Variants in LRFN5 observed in about 807,000 individuals in gnomAD.
LRFN5 encodes leucine rich repeat and fibronectin type III domain containing 5, also known as leucine-rich repeat and fibronectin type-III domain-containing protein 5.
A neutral mutation model predicts 45.6 loss-of-function variants in LRFN5; 24 were observed. The ratio of observed to expected loss-of-function variants is 0.53; its 90% CI spans 0.38 to 0.74. The LOEUF (loss-of-function observed/expected upper bound fraction) is 0.74, where lower values mean the gene tolerates loss of function less well. Ranked by LOEUF, LRFN5 falls within the 30% of genes least tolerant of loss-of-function variation. The pLI, the probability that LRFN5 is intolerant of heterozygous loss-of-function variation, is 0.00. For missense variants in LRFN5, 776 were observed against 861.5 expected, an observed-to-expected ratio of 0.90 and a Z score of 1.24; for synonymous variants, 340 against 313.8, an observed-to-expected ratio of 1.08 and a Z score of -0.88.
At chr14:41,644,065 T>A (rs1383630370) in intron 1 of LRFN5, among the ~76,000 whole-genome samples, 1 of 152,224 alleles carries the variant, frequency 6.6e-6, no homozygotes, top group African/African-American at 2.4e-5. Context: ...AGAATACTTT[T>A]TCTTGTTTGA....
intron 2 of LRFN5, among the ~76,000 whole-genome samples, chr14:41,873,697 A>C (rs1295838426): frequency 6.6e-6 from 1 of 152,196 alleles, no homozygotes. Context: ...CAATGCCCAC[A>C]ATAATATGAA....
At chr14:41,622,136 T>TC (rs1888158228) in intron 1 of LRFN5, among the ~76,000 whole-genome samples, 1 of 151,812 alleles carries the variant, frequency 6.6e-6, no homozygotes, top group South Asian at 2.1e-4. Flanking sequence ...TCTTTTTTTT[T>TC]TTTCATTTCT....
intron 1 of LRFN5, among the ~76,000 whole-genome samples, chr14:41,718,522 G>GA (rs1354183560): frequency 6.6e-6 from 1 of 152,046 alleles, no homozygotes; most frequent in African/African-American, 2.4e-5. Context: ...CTTACCTATT[G>GA]TTCATGTTTT....
intron 1 of LRFN5, among the ~76,000 whole-genome samples, chr14:41,662,182 A>C (rs143687257): frequency 3.3e-5 from 5 of 152,182 alleles, no homozygotes; most frequent in African/African-American, 1.2e-4. Flanking sequence ...GATCATTAAG[A>C]GTATCAAATA....
chr14:41,703,343 C>T (rs1882914904), intron 1 of LRFN5, among the ~76,000 whole-genome samples: 2 of 151,912 alleles, frequency 1.3e-5, no homozygotes, highest in African/African-American at 2.4e-5. Flanking sequence ...GAGAAGATTT[C>T]TATAAACAAA....
At chr14:41,803,265 T>C (rs1341420393) in intron 2 of LRFN5, among the ~76,000 whole-genome samples, 2 of 152,178 alleles carry the variant, frequency 1.3e-5, no homozygotes. Context: ...TTATGTACAT[T>C]CTTTTCCAAA....
chr14:41,786,679 A>T (rs934330617), intron 2 of LRFN5, among the ~76,000 whole-genome samples: 3 of 151,346 alleles, frequency 2.0e-5, no homozygotes, highest in Non-Finnish European at 4.4e-5. Context: ...AATTTTAGCC[A>T]TTGTTGCTTC....
At chr14:41,660,417 A>G (rs1880593151) in intron 1 of LRFN5, among the ~76,000 whole-genome samples, 1 of 152,094 alleles carries the variant, frequency 6.6e-6, no homozygotes, top group African/African-American at 2.4e-5. Context: ...AACAGTAGTT[A>G]TGCGATGGAT....
intron 1 of LRFN5, among the ~76,000 whole-genome samples, chr14:41,643,267 G>A (rs1468234018): frequency 1.3e-5 from 2 of 152,074 alleles, no homozygotes; most frequent in East Asian, 3.9e-4. Context: ...CAAACTGTTT[G>A]AGTGAATAAA....
intron 1 of LRFN5, among the ~76,000 whole-genome samples, chr14:41,680,895 C>T (rs1881854810): frequency 6.6e-6 from 1 of 151,934 alleles, no homozygotes. Flanking sequence ...TTTAGAATCA[C>T]ATCAGACAAA....
At chr14:41,695,040 A>T (rs537417830) in intron 1 of LRFN5, among the ~76,000 whole-genome samples, 154 of 152,132 alleles carry the variant, frequency 1.0e-3, no homozygotes, top group African/African-American at 3.4e-3. Context: ...GGAAATTAAA[A>T]GTGCTACTCT....
At chr14:41,733,051 TA>T (rs1400106040) in intron 1 of LRFN5, among the ~76,000 whole-genome samples, 287 of 141,362 alleles carry the variant, frequency 2.0e-3, no homozygotes, top group Middle Eastern at 0.014. Context: ...AAAAGAAAGT[TA>T]AAAAAAAAAA....
intron 1 of LRFN5, among the ~76,000 whole-genome samples, chr14:41,617,842 A>C (rs1052184851): frequency 2.0e-5 from 3 of 152,262 alleles, no homozygotes; most frequent in Admixed American, 2.0e-4. Flanking sequence ...CATGTTTCCT[A>C]GTGCAAAGAA....
chr14:41,695,058 A>C (rs1882546174), intron 1 of LRFN5, among the ~76,000 whole-genome samples: 1 of 152,024 alleles, frequency 6.6e-6, no homozygotes, highest in Admixed American at 6.6e-5. Flanking sequence ...TCTTTTGAAC[A>C]CACAAATAAT....
At chr14:41,823,404 GATACAAA>G (rs1286410909) in intron 2 of LRFN5, among the ~76,000 whole-genome samples, 1 of 144,906 alleles carries the variant, frequency 6.9e-6, no homozygotes, top group African/African-American at 2.6e-5. Context: ...AGTTTAGAAG[GATACAAA>G]ATTCTTGGCT....
At chr14:41,707,015 G>C (rs1221527131) in intron 1 of LRFN5, among the ~76,000 whole-genome samples, 1 of 152,108 alleles carries the variant, frequency 6.6e-6, no homozygotes, top group African/African-American at 2.4e-5. Flanking sequence ...AGGAAAAGGA[G>C]GTGCACTTGC....
intron 1 of LRFN5, among the ~76,000 whole-genome samples, chr14:41,716,465 A>T (rs1883499864): frequency 6.6e-6 from 1 of 152,178 alleles, no homozygotes. Context: ...TTCTTCTGCC[A>T]GATACCCTAA....
intron 4 of LRFN5, chr14:41,892,309 A>T (rs555867258): frequency 1.0e-6 from 1 of 956,780 alleles, no homozygotes; most frequent in African/African-American, 1.8e-5. Flanking sequence ...ATATACACAT[A>T]TATAACTATA....
At chr14:41,892,103 G>A (rs1300710478) in intron 4 of LRFN5, 141 bp downstream of exon 4, 2 of 1,444,424 alleles carry the variant, frequency 1.4e-6, no homozygotes, top group Non-Finnish European at 1.8e-6. Flanking sequence ...GTCTATGAAT[G>A]TGATGTTTAT....
Sources: allele counts gnomAD v4.1 joint callset (sites outside exome capture counted in the v4.1 genomes callset), GRCh38; gene constraint gnomAD v4.1.1; transcripts MANE v1.5; gene names NCBI Gene and HGNC (gene_info 2026-07-23, HGNC 2026-07-21).